ZMIZ1: variants seen among roughly 807,000 people sequenced by gnomAD.
ZMIZ1 encodes zinc finger MIZ-type containing 1, also known as zinc finger MIZ domain-containing protein 1.
ZMIZ1 carries 17 observed loss-of-function variants against 113.9 expected under a neutral mutation model. That is an observed-to-expected ratio of 0.15 (90% CI 0.10 to 0.22). The LOEUF (loss-of-function observed/expected upper bound fraction) is 0.22, where lower values mean the gene tolerates loss of function less well. ZMIZ1 is among the 10% of genes least tolerant of loss of function. The pLI is 1.00. For synonymous variants in ZMIZ1, 607 were observed against 603.1 expected (o/e 1.01, Z -0.09); for missense variants, 1,059 against 1,477.8 (o/e 0.72, Z 4.65).
chr10:79,175,605 T>TATGC (rs1238171708), intron 4 of ZMIZ1, among the ~76,000 whole-genome samples: 3 of 118,406 alleles, frequency 2.5e-5, no homozygotes, highest in African/African-American at 1.2e-4. Context: ...TGTGTGTGTG[T>TATGC]GTGTGTGTGT....
intron 6 of ZMIZ1, among the ~76,000 whole-genome samples, chr10:79,210,077 C>T (rs1056119762): frequency 1.3e-5 from 2 of 152,252 alleles, no homozygotes; most frequent in African/African-American, 2.4e-5. Flanking sequence ...CCCTAATCCT[C>T]TTTGTGGGGA....
At chr10:79,298,365 C>G in intron 14 of ZMIZ1, 41 bp from the exon 15 acceptor site, 1 of 1,588,586 alleles carries the variant, frequency 6.3e-7, no homozygotes, top group Non-Finnish European at 8.6e-7. Flanking sequence ...CTTCTGTCTC[C>G]GTAATCCCAT....
intron 7 of ZMIZ1, among the ~76,000 whole-genome samples, chr10:79,275,750 G>C (rs1589542904): frequency 1.3e-5 from 2 of 152,228 alleles, no homozygotes; most frequent in East Asian, 3.9e-4. Flanking sequence ...CCAGGGCATG[G>C]GGCCAGGAGC....
At chr10:79,098,812 G>A (rs758085303) in intron 1 of ZMIZ1, among the ~76,000 whole-genome samples, 5 of 152,202 alleles carry the variant, frequency 3.3e-5, no homozygotes, top group Non-Finnish European at 5.9e-5. Context: ...GCACCCTACC[G>A]AGGACAGGCC....
chr10:79,311,642 C>T (rs953314521), intron 24 of ZMIZ1, among the ~76,000 whole-genome samples: 1 of 151,976 alleles, frequency 6.6e-6, no homozygotes, highest in Non-Finnish European at 1.5e-5. Flanking sequence ...CTTCTGCTTG[C>T]TCCATCGCTC....
chr10:79,298,212 TG>T (rs1012527512), intron 14 of ZMIZ1, among the ~76,000 whole-genome samples, 193 bp from the exon 15 acceptor site: 1 of 151,800 alleles, frequency 6.6e-6, no homozygotes, highest in Admixed American at 6.5e-5. Context: ...AGATGAAGGG[TG>T]GGGAGGCCCT....
intron 7 of ZMIZ1, among the ~76,000 whole-genome samples, chr10:79,245,848 A>T (rs1850158594): frequency 6.6e-6 from 1 of 150,906 alleles, no homozygotes; most frequent in African/African-American, 2.4e-5. Flanking sequence ...ACCACATTCA[A>T]GCACTCAGTA....
At chr10:79,307,053 G>A (rs1395267939) in intron 22 of ZMIZ1, among the ~76,000 whole-genome samples, 3 of 152,164 alleles carry the variant, frequency 2.0e-5, no homozygotes, top group Non-Finnish European at 4.4e-5. Context: ...TCTGGGCCTG[G>A]GTCTTGCTGG....
chr10:79,160,459 G>C (rs181307219), intron 3 of ZMIZ1, among the ~76,000 whole-genome samples: 4 of 152,194 alleles, frequency 2.6e-5, no homozygotes, highest in Non-Finnish European at 5.9e-5. Context: ...TCTGGCCCTC[G>C]CATGCAGTGC....
chr10:79,087,577 C>T (rs1453268169), intron 1 of ZMIZ1, among the ~76,000 whole-genome samples: 5 of 152,216 alleles, frequency 3.3e-5, no homozygotes, highest in Admixed American at 6.5e-5. Context: ...CCTTTTCCAT[C>T]GCCCCTTCAC....
At chr10:79,292,062 G>A in intron 10 of ZMIZ1, 96 bp from the exon 11 acceptor site, 3 of 1,258,174 alleles carry the variant, frequency 2.4e-6, no homozygotes, top group African/African-American at 1.5e-5. Context: ...TAGGTTCTGG[G>A]TACAGCTCCA....
intron 4 of ZMIZ1, among the ~76,000 whole-genome samples, chr10:79,192,457 G>A (rs115043995): frequency 1.3e-3 from 192 of 152,338 alleles, no homozygotes; most frequent in African/African-American, 4.5e-3. Context: ...AAGGATGGGT[G>A]TTGGGAGATT....
chr10:79,294,530 C>A (rs905325297), intron 12 of ZMIZ1: 1 of 152,262 alleles, frequency 6.6e-6, no homozygotes, highest in African/African-American at 2.4e-5. Flanking sequence ...AGAAGGCAGG[C>A]TTCCTGGAGG....
intron 22 of ZMIZ1, among the ~76,000 whole-genome samples, chr10:79,306,867 C>T (rs1398970853): frequency 6.6e-6 from 1 of 152,208 alleles, no homozygotes; most frequent in Non-Finnish European, 1.5e-5. Flanking sequence ...GGCCACCTAG[C>T]CGAACTCCCA....
intron 8 of ZMIZ1, among the ~76,000 whole-genome samples, chr10:79,279,246 A>ACTGGG (rs980320092): frequency 1.4e-5 from 2 of 147,988 alleles, no homozygotes; most frequent in African/African-American, 5.1e-5. Flanking sequence ...CACTTCTCAG[A>ACTGGG]CTGGGCGGCC....
chr10:79,263,585 T>C (rs1455551117), intron 7 of ZMIZ1, among the ~76,000 whole-genome samples: 1 of 152,120 alleles, frequency 6.6e-6, no homozygotes, highest in Non-Finnish European at 1.5e-5. Context: ...CAAGGCTTAG[T>C]GTCAGCACCG....
chr10:79,117,373 ATCTCATAAGTGTAT>A (rs149997814), intron 1 of ZMIZ1, among the ~76,000 whole-genome samples: 4,933 of 152,294 alleles, frequency 0.032, 280 homozygotes, highest in African/African-American at 0.11. Context: ...ATATAAATGG[ATCTCATAAGTGTAT>A]TCTCTGTCGT....
intron 4 of ZMIZ1, among the ~76,000 whole-genome samples, chr10:79,192,173 A>G (rs1847634973): frequency 6.6e-6 from 1 of 152,226 alleles, no homozygotes; most frequent in African/African-American, 2.4e-5. Context: ...GGCCTCCTCT[A>G]AAGTGCCATG....
At chr10:79,302,716 GA>G (rs1854397766) in intron 18 of ZMIZ1, among the ~76,000 whole-genome samples, 1 of 120,586 alleles carries the variant, frequency 8.3e-6, no homozygotes, top group Non-Finnish European at 1.7e-5. Context: ...GAGAGAGAGA[GA>G]GAATGTCGCT....
Sources: gnomAD v4.1 joint callset for allele counts (sites outside exome capture counted in the v4.1 genomes callset) on GRCh38, gnomAD v4.1.1 for gene constraint, MANE v1.5 for transcripts, NCBI Gene and HGNC (gene_info 2026-07-23, HGNC 2026-07-21) for gene names.